SPTBN4: variants seen among roughly 807,000 people sequenced by gnomAD.
SPTBN4 encodes the protein spectrin beta chain, non-erythrocytic 4.
Under a neutral mutation model 277.8 loss-of-function variants are expected in SPTBN4, and 96 were observed. The observed-to-expected ratio is 0.35, with a 90% CI of 0.29 to 0.41. SPTBN4 has a LOEUF of 0.41. Among genes scored for constraint, SPTBN4 ranks in the 10% least tolerant of loss-of-function variants. The probability of loss-of-function intolerance (pLI) is 1.00; values close to 1 mark genes in which losing one functional copy is unlikely to be tolerated. For missense variants in SPTBN4, 3,006 were observed against 3,595.7 expected (o/e 0.84, Z 4.19); for synonymous variants, 1,481 against 1,580.3 (o/e 0.94, Z 1.49).
intron 32 of SPTBN4, 55 bp from the exon 33 acceptor site, chr19:40,570,381 T>A: frequency 7.5e-7 from 1 of 1,329,646 alleles, no homozygotes; most frequent in Non-Finnish European, 1.0e-6. Flanking sequence ...CCCAAACAGA[T>A]GACCCCCACA....
chr19:40,568,091 C>T lies in SPTBN4; in HGVS notation c.6765C>T (p.Val2255=), dbSNP rs1401734812. 2 of 1,565,366 alleles carry T rather than the reference C, an allele frequency of 1.3e-6. No homozygotes were observed. Among genetic ancestry groups the T allele is most frequent in the East Asian group, 2.4e-5 (1 of 42,378 alleles). The part of the protein sequence containing the change: ...RRRRPERQES[V]DQSEEAARRR... ...GGCGGCCTGAGCGGCAAGAGTCAGT[C>T]GATCAATCCGAGGAGGCTGCGCGGA... The change falls in exon 31 of 36, where the codon GTC becomes GTT. Residue 2255 remains valine (V), a synonymous_variant. Coordinates refer to ENST00000598249, the MANE Select transcript of SPTBN4 (RefSeq NM_020971.3).
intron 24 of SPTBN4, among the ~76,000 whole-genome samples, chr19:40,555,646 C>T (rs1402213597): frequency 6.6e-6 from 1 of 151,766 alleles, no homozygotes; most frequent in East Asian, 1.9e-4. Context: ...GAGTCCTGGC[C>T]AGGTGTAGTG....
chr19:40,489,753 A>G (rs921404801), intron 3 of SPTBN4, among the ~76,000 whole-genome samples: 1 of 150,654 alleles, frequency 6.6e-6, no homozygotes, highest in South Asian at 2.1e-4. Context: ...GGCTGAGACT[A>G]TGGGCTAGGA....
In SPTBN4 at chr19:40,572,620, C is replaced by T. The variant is rs951380656; in HGVS notation, c.7536+240C>T. ...TGATGACAAAGTCCAACATCTTTGC[C>T]GTGGTCACTCAGGTGAGACTGGAAT... On this transcript the variant is annotated intron_variant, in intron 35 of 35. Coordinates refer to ENST00000598249, the MANE Select transcript of SPTBN4 (RefSeq NM_020971.3). 5.9e-5 allele frequency: 33 copies of T among 557,260 alleles called. No individual in the cohort carries two copies. In the Admixed American group the frequency reaches 6.0e-4, roughly 10 times the overall value. The allele number at this position is 557,260 out of a possible 1,614,324, so 34.5% of individuals were successfully genotyped here. A position where few individuals can be genotyped will look rare whatever the true frequency, so the allele number is the denominator to read the frequency against.
Position 40,491,293 on chromosome 19 carries a change from A to G in SPTBN4, c.495+1045A>G, listed in dbSNP as rs550069871. On this transcript the variant is annotated intron_variant, in intron 4 of 35. Coordinates refer to ENST00000598249, the MANE Select transcript of SPTBN4 (RefSeq NM_020971.3). ...ATACAGGAGGAAGAGCAGAGTGGCT[A>G]GAGAATGGGAGGCAACGGGAGACAT... is the stretch of plus-strand genomic sequence containing the variant. 2.0e-5 allele frequency among the ~76,000 whole-genome samples: 3 copies of G among 152,276 alleles called. No homozygotes were observed. In the East Asian group the frequency reaches 5.8e-4, roughly 29 times the overall value.
chr19:40,566,408 C>T, intron 30 of SPTBN4, 49 bp downstream of exon 30: 1 of 1,443,794 alleles, frequency 6.9e-7, no homozygotes. Flanking sequence ...ACCAAGACCC[C>T]CACACCCATG....
intron 5 of SPTBN4, among the ~76,000 whole-genome samples, chr19:40,494,615 G>T (rs886561300): frequency 4.7e-5 from 7 of 148,652 alleles, no homozygotes; most frequent in Admixed American, 3.3e-4. Context: ...TCTATTATCT[G>T]TCTATCATCT....
chr19:40,475,060 C>A (rs2079932160), intron 2 of SPTBN4, among the ~76,000 whole-genome samples: 1 of 152,002 alleles, frequency 6.6e-6, no homozygotes, highest in Non-Finnish European at 1.5e-5. Flanking sequence ...TGTATCAGAA[C>A]AATATTAGCA....
intron 2 of SPTBN4, among the ~76,000 whole-genome samples, chr19:40,483,229 C>G (rs2080032766): frequency 2.0e-5 from 3 of 152,106 alleles, no homozygotes; most frequent in South Asian, 4.2e-4. Context: ...CATTCTGGTA[C>G]CACTCTAGGG....
chr19:40,570,726 C>A lies in SPTBN4; in HGVS notation c.7317C>A (p.Asn2439Lys). The A allele has an allele frequency of 6.2e-7, 1 of 1,607,108 alleles. No homozygotes were observed. Among genetic ancestry groups the A allele is most frequent in the Admixed American group, 1.7e-5 (1 of 59,604 alleles). Reference protein sequence around the residue: ...RELDANRKSSNRSWVSLYCVL... With the variant: ...RELDANRKSSKRSWVSLYCVL... ...TCGACGCTAACCGCAAGTCGTCCAA[C>A]CGGTGAGCGTGTGGGCGGGGCTTTG... The change falls in exon 33 of 36, where the codon AAC becomes AAA. Residue 2439 changes from asparagine (N) to lysine (K), a missense_variant and splice_region_variant. Physicochemically the swap from Asn to Lys is moderately conservative, Grantham distance 94 (BLOSUM62 0). Around this residue, in one of 5 missense-constraint regions of SPTBN4, gnomAD observed 630 missense variants for 677.6 expected, o/e 0.93. Transcript: ENST00000598249.
chr19:40,473,880 G>A lies in SPTBN4; in HGVS notation c.169+1090G>A, dbSNP rs1036548970. ...CCTCTGGCCTGGCGCGGTGGCTCAC[G>A]CCTGTAATCCCAGCACTTTGGGAGG... On this transcript the variant is annotated intron_variant, in intron 2 of 35. Coordinates refer to ENST00000598249, the MANE Select transcript of SPTBN4 (RefSeq NM_020971.3). Among the ~76,000 whole-genome samples, 65 of 151,636 alleles carry A rather than the reference G, an allele frequency of 4.3e-4. 1 individual carries two copies. The highest frequency in any genetic ancestry group is 1.6e-3 in the African/African-American group (64 of 41,266).
intron 19 of SPTBN4, 31 bp downstream of exon 19, chr19:40,532,802 C>T (rs1599774048): frequency 1.9e-6 from 3 of 1,589,446 alleles, no homozygotes; most frequent in African/African-American, 2.7e-5. Flanking sequence ...TCTGCCTGTG[C>T]CAGGTGCAGG....
intron 5 of SPTBN4, 46 bp downstream of exon 5, chr19:40,493,100 C>G: frequency 6.3e-7 from 1 of 1,577,796 alleles, no homozygotes; most frequent in South Asian, 1.1e-5. Flanking sequence ...CAAGTGGTCC[C>G]CTAACCTCTG....
At chr19:40,574,365 CT>C (rs533228382) in intron 35 of SPTBN4, among the ~76,000 whole-genome samples, 270 of 141,498 alleles carry the variant, frequency 1.9e-3, no homozygotes, top group Admixed American at 2.5e-3. Flanking sequence ...AAGAAGTGGG[CT>C]TTTTTTTTTT....
rs756914383 is a variant in SPTBN4 at position 40,519,474 on chromosome 19, G to A, written c.2977G>A (p.Val993Met). The stretch of plus-strand genomic sequence containing the variant: ...CGCGGTGCTGCTGGTGGAGAACCAC[G>A]TGCTGGAGGTGGCCGAGGTGCGCGC... ...MSAVLLVENHVLEVAEVRAQV... is the reference protein window; with the variant it reads ...MSAVLLVENHMLEVAEVRAQV... Residue 993 changes from valine (V) to methionine (M), a missense_variant, in exon 16 of 36, where the codon GTG becomes ATG. Coordinates refer to ENST00000598249, the MANE Select transcript of SPTBN4 (RefSeq NM_020971.3). This position sits in a 1 kb window ranked among gnomAD's most constrained non-coding sequence, Gnocchi z 5.7. The A allele has an allele frequency of 1.7e-5, 27 of 1,607,554 alleles. No homozygotes were observed. In the South Asian group the frequency reaches 2.7e-4, roughly 16 times the overall value.
intron 6 of SPTBN4, among the ~76,000 whole-genome samples, chr19:40,497,181 G>C (rs1344403515): frequency 6.6e-6 from 1 of 151,880 alleles, no homozygotes. Flanking sequence ...ACACAGGCAG[G>C]CACCGTGTGG....
chr19:40,548,359 CA>C (rs1486958106), intron 20 of SPTBN4, among the ~76,000 whole-genome samples: 2 of 152,056 alleles, frequency 1.3e-5, no homozygotes, highest in East Asian at 3.9e-4. Flanking sequence ...GGCATGGTGT[CA>C]GGTGCCTGTA....
At position 40,520,059 on chromosome 19, in the gene SPTBN4, TG is replaced by T; in HGVS notation, c.3565del (p.Glu1189ArgfsTer50). Reference sequence around the variant, plus strand: ...TGGCTGGCATAAACTGCTCGGCTTGTGGGAGGCGCGCAGGGAGGCGCTGGTC... The same window carrying T: ...TGGCTGGCATAAACTGCTCGGCTTGTGGAGGCGCGCAGGGAGGCGCTGGTC... ...ELGWHKLLGLWEARREALVQA... is the reference protein window; with the variant it reads ...ELGWHKLLGLXEARREALVQA... On this transcript the variant is annotated frameshift_variant, in exon 16 of 36. Transcript: ENST00000598249. LOFTEE classifies it high-confidence loss of function. 1 of 1,536,874 alleles carries T rather than the reference TG, an allele frequency of 6.5e-7. No homozygotes were observed. The highest frequency in any genetic ancestry group is 8.7e-7 in the Non-Finnish European group (1 of 1,145,350).
At chr19:40,514,868 G>T (rs986084576) in intron 14 of SPTBN4, among the ~76,000 whole-genome samples, 2 of 152,196 alleles carry the variant, frequency 1.3e-5, no homozygotes, top group Non-Finnish European at 2.9e-5. Context: ...ACTTTGGGAG[G>T]CCAAGGCAGG....
Sources: allele counts gnomAD v4.1 joint callset (sites outside exome capture counted in the v4.1 genomes callset), GRCh38; gene constraint gnomAD v4.1.1; regional missense constraint gnomAD v4.1.1; non-coding constraint Gnocchi (gnomAD v3.1); transcripts MANE v1.5; gene names NCBI Gene and HGNC (gene_info 2026-07-23, HGNC 2026-07-21).